The following OSGIN2 variants were observed in gnomAD, a reference collection of about 807,000 sequenced individuals.
The protein encoded by OSGIN2 is oxidative stress induced growth inhibitor family member 2, also known as oxidative stress-induced growth inhibitor 2.
OSGIN2 carries 19 observed loss-of-function variants against 53.8 expected under a neutral mutation model. The ratio of observed to expected loss-of-function variants is 0.35; its 90% CI spans 0.25 to 0.52. The LOEUF (loss-of-function observed/expected upper bound fraction) is 0.52. OSGIN2 is among the 20% of genes least tolerant of loss of function. OSGIN2 has a pLI of 0.95. For synonymous variants in OSGIN2, 236 were observed against 236.0 expected (o/e 1.00, Z 0.00); for missense variants, 520 against 662.7 (o/e 0.78, Z 2.36).
At chr8:89,922,558 A>G (rs1809229112) in intron 5 of OSGIN2, among the ~76,000 whole-genome samples, 1 of 152,214 alleles carries the variant, frequency 6.6e-6, no homozygotes, top group South Asian at 2.1e-4. Flanking sequence ...ATTTTGTGAT[A>G]AATTTAGGTT....
At position 89,924,756 on chromosome 8, in the gene OSGIN2, C is replaced by G. The variant is rs776654382; in HGVS notation, c.874C>G (p.His292Asp). The change falls in exon 6 of 6, where the codon CAT (histidine) becomes GAT (aspartate). Residue 292 changes from histidine (H) to aspartate (D), a missense_variant. His to Asp is a moderately conservative substitution (Grantham distance 81). Around this residue, in one of 3 missense-constraint regions of OSGIN2, gnomAD observed 239 missense variants for 328.3 expected, o/e 0.73. Coordinates refer to ENST00000451899, the MANE Select transcript of OSGIN2 (RefSeq NM_001126111.3). ...TTATCAGCGAATAGCTGATGGTTCTCATGTTCCCTTCTGCCTCTTTGCTGA... is the reference window on the plus strand; with the variant it reads ...TTATCAGCGAATAGCTGATGGTTCTGATGTTCCCTTCTGCCTCTTTGCTGA... ...RGYQRIADGS[H>D]VPFCLFAENV... 4 of 1,614,208 alleles carry G rather than the reference C, an allele frequency of 2.5e-6. No individual in the cohort carries two copies. The Admixed American group carries it at 6.7e-5, about 27-fold the overall frequency.
chr8:89,915,329 G>C (rs1050357800), intron 4 of OSGIN2, among the ~76,000 whole-genome samples: 3 of 152,160 alleles, frequency 2.0e-5, no homozygotes, highest in Non-Finnish European at 4.4e-5. Context: ...AGCAGAGAGA[G>C]AGAAATATTC....
intron 5 of OSGIN2, 36 bp from the exon 6 acceptor site, chr8:89,924,467 T>C: frequency 6.9e-7 from 1 of 1,448,470 alleles, no homozygotes; most frequent in Non-Finnish European, 9.4e-7. Context: ...CTGAAAGTAG[T>C]ATCCTTATAG....
chr8:89,910,986 G>A (rs764693172), intron 2 of OSGIN2, among the ~76,000 whole-genome samples: 1 of 152,192 alleles, frequency 6.6e-6, no homozygotes, highest in Non-Finnish European at 1.5e-5. Flanking sequence ...TTTAAACAAT[G>A]TGAATGTATT....
At chr8:89,912,906 A>G (rs552506443) in intron 2 of OSGIN2, among the ~76,000 whole-genome samples, 1 of 152,152 alleles carries the variant, frequency 6.6e-6, no homozygotes, top group East Asian at 1.9e-4. Context: ...GTTCTCTAGC[A>G]CTGAGTCCAA....
Position 89,921,776 on chromosome 8 carries a change from G to A in OSGIN2, c.620+605G>A, listed in dbSNP as rs548277585. 5.9e-5 allele frequency among the ~76,000 whole-genome samples: 9 copies of A among 152,290 alleles called. No homozygotes were observed. In the East Asian group the frequency reaches 9.7e-4, roughly 16 times the overall value. ...GTGGGAGGATCACCTGAGGTCAGGC[G>A]TTTGAGGCCAGCTTGACCAACATGG... On this transcript the variant is annotated intron_variant, in intron 5 of 5. Coordinates refer to ENST00000451899, the MANE Select transcript of OSGIN2 (RefSeq NM_001126111.3).
In OSGIN2 at chr8:89,926,709, C is replaced by T. The variant is rs192537938; in HGVS notation, c.*1177C>T. 2.0e-5 allele frequency: 3 copies of T among 152,272 alleles called. No homozygotes were observed. Among genetic ancestry groups the T allele is most frequent in the African/African-American group, 7.2e-5 (3 of 41,570 alleles). The allele number at this position is 152,272 out of a possible 1,614,324, so 9.4% of individuals were successfully genotyped here. ...AGAATTTTTAATGTTAAGACGAAAA[C>T]ATCTGAAGTTCTCCATGGCAAATTG... On this transcript the variant is annotated 3_prime_UTR_variant, in exon 6 of 6. Transcript: ENST00000451899.
chr8:89,904,150 G>C (rs1808788552), intron 1 of OSGIN2, among the ~76,000 whole-genome samples: 1 of 152,162 alleles, frequency 6.6e-6, no homozygotes, highest in Non-Finnish European at 1.5e-5. Flanking sequence ...AGGCAAATTT[G>C]TTGACTACTG....
chr8:89,923,423 A>T (rs1351959560), intron 5 of OSGIN2, among the ~76,000 whole-genome samples: 1 of 152,214 alleles, frequency 6.6e-6, no homozygotes, highest in Non-Finnish European at 1.5e-5. Context: ...CAAGTTACAA[A>T]CAGTCCCTGA....
rs1184726187 is a variant in OSGIN2 at position 89,902,607 on chromosome 8, C to G, written c.-187C>G. On this transcript the variant is annotated 5_prime_UTR_variant, in exon 1 of 6. Transcript: ENST00000451899. ...GCTCCCTGCAGGCGAGGAGCGGAAG[C>G]CGCTATCTGGAGGCGGACTCCGGCG... The G allele has an allele frequency of 1.9e-5, 3 of 155,352 alleles. No individual in the cohort carries two copies. Among genetic ancestry groups the G allele is most frequent in the Admixed American group, 6.5e-5 (1 of 15,308 alleles). The allele number at this position is 155,352 out of a possible 1,614,324, so 9.6% of individuals were successfully genotyped here. A position where few individuals can be genotyped will look rare whatever the true frequency, so the allele number is the denominator to read the frequency against.
In OSGIN2 at chr8:89,914,717, G is replaced by A; in HGVS notation, c.499G>A (p.Gly167Ser). Reference protein sequence around the residue: ...QHHYIPHVVLGKGPPGGAWHN... With the variant: ...QHHYIPHVVLSKGPPGGAWHN... ...TCATTATATCCCTCACGTAGTTCTT[G>A]GTAAAGGTCCACCTGGTGGGGCTTG... Residue 167 changes from glycine to serine, a missense_variant, in exon 4 of 6, where the codon GGT becomes AGT. Transcript: ENST00000451899. 1.9e-6 allele frequency: 3 copies of A among 1,613,756 alleles called. No homozygotes were observed. Among genetic ancestry groups the A allele is most frequent in the Non-Finnish European group, 1.7e-6 (2 of 1,179,724 alleles).
In OSGIN2 at chr8:89,920,983, A is replaced by G. The variant is rs949370144; in HGVS notation, c.529-97A>G. ...GCGCACCTTGTCCAGAGTCATAATTATTGTAAATGAGATGGATATGGTTAA... is the reference window on the plus strand; with the variant it reads ...GCGCACCTTGTCCAGAGTCATAATTGTTGTAAATGAGATGGATATGGTTAA... On this transcript the variant is annotated intron_variant, in intron 4 of 5. Transcript: ENST00000451899. 4.9e-5 allele frequency: 35 copies of G among 718,586 alleles called. 1 individual carries two copies. In the South Asian group the frequency reaches 6.2e-4, roughly 13 times the overall value. The allele number at this position is 718,586 out of a possible 1,614,324, so 44.5% of individuals were successfully genotyped here. A position where few individuals can be genotyped will look rare whatever the true frequency, so the allele number is the denominator to read the frequency against.
chr8:89,915,159 G>A (rs925926484), intron 4 of OSGIN2, among the ~76,000 whole-genome samples: 6 of 152,210 alleles, frequency 3.9e-5, no homozygotes, highest in East Asian at 3.9e-4. Context: ...GCTTGTCTGC[G>A]ATAACAAAAT....
rs1563470248 is a variant in OSGIN2, at chr8:89,914,537, T to A, written c.337-18T>A. 6.3e-7 allele frequency: 1 copy of A among 1,598,924 alleles called. No individual in the cohort carries two copies. The highest frequency in any genetic ancestry group is 8.6e-7 in the Non-Finnish European group (1 of 1,168,402). On this transcript the variant is annotated intron_variant, in intron 3 of 5. Transcript: ENST00000451899. ...ATGCTGGCTTTTTTCAAACTCTGTC[T>A]CCCTTTTGTTCATTCAGGACTTAGA...
chr8:89,914,609 G>A lies in OSGIN2; in HGVS notation c.391G>A (p.Val131Ile). ...LEGRSSNPVAVLFDTLLHPDA... is the reference protein window; with the variant it reads ...LEGRSSNPVAILFDTLLHPDA... ...GGGCCGATCATCCAATCCAGTTGCA[G>A]TACTTTTCGATACACTTCTTCATCC... Residue 131 changes from valine to isoleucine, a missense_variant, in exon 4 of 6, where the codon GTA (valine) becomes ATA (isoleucine). Physicochemically the swap from Val to Ile is conservative, Grantham distance 29. This residue lies in a region of OSGIN2 where 203 missense variants were observed against 275.3 expected (regional missense o/e 0.74). Transcript: ENST00000451899. 1 of 1,614,094 alleles carries A rather than the reference G, an allele frequency of 6.2e-7. No individual in the cohort carries two copies. Among genetic ancestry groups the A allele is most frequent in the Non-Finnish European group, 8.5e-7 (1 of 1,179,972 alleles).
At chr8:89,914,525 TCAAAC>T in intron 3 of OSGIN2, 25 bp from the exon 4 acceptor site, 3 of 1,577,988 alleles carry the variant, frequency 1.9e-6, no homozygotes, top group South Asian at 2.2e-5. Context: ...CTGGCTTTTT[TCAAAC>T]TCTGTCTCCC....
At chr8:89,919,533 A>G (rs147180535) in intron 4 of OSGIN2, among the ~76,000 whole-genome samples, 156 of 152,334 alleles carry the variant, frequency 1.0e-3, no homozygotes, top group African/African-American at 3.6e-3. Context: ...AGCATTGCCA[A>G]GGCCTTAGGC....
chr8:89,913,813 A>AT (rs764181275), intron 2 of OSGIN2, among the ~76,000 whole-genome samples: 12 of 152,216 alleles, frequency 7.9e-5, no homozygotes, highest in Non-Finnish European at 1.8e-4. Context: ...GAAATGTGGG[A>AT]TATATCCTTG....
chr8:89,902,966 C>G, intron 1 of OSGIN2, 129 bp downstream of exon 1: 2 of 284,522 alleles, frequency 7.0e-6, no homozygotes. Context: ...CCGCCTCGGC[C>G]GTCCTGCCTG....
Sources: allele counts gnomAD v4.1 joint callset (sites outside exome capture counted in the v4.1 genomes callset), GRCh38; gene constraint gnomAD v4.1.1; regional missense constraint gnomAD v4.1.1; transcripts MANE v1.5; gene names NCBI Gene and HGNC (gene_info 2026-07-23, HGNC 2026-07-21).